Variants in GFI1B observed in about 807,000 individuals in gnomAD.
GFI1B encodes growth factor independent 1B transcriptional repressor, also known as zinc finger protein Gfi-1b.
GFI1B carries 20 observed loss-of-function variants against 35.3 expected under a neutral mutation model. The ratio of observed to expected loss-of-function variants is 0.57; its 90% CI spans 0.40 to 0.82. The LOEUF is 0.82. GFI1B is among the 40% of genes least tolerant of loss of function. The pLI, the probability that GFI1B is intolerant of heterozygous loss-of-function variation, is 0.00. For missense variants in GFI1B, 430 were observed against 446.3 expected (o/e 0.96, Z 0.33); for synonymous variants, 178 against 177.6 (o/e 1.00, Z -0.02).
chr9:132,992,680 C>T (rs1202737154), downstream of GFI1B, among the ~76,000 whole-genome samples: 1 of 152,178 alleles, frequency 6.6e-6, no homozygotes, highest in Non-Finnish European at 1.5e-5. Context: ...GTCATCCAGC[C>T]AGAAGGTCTT....
At chr9:132,962,652 C>G in intron 1 of GFI1B, 1 of 493,740 alleles carries the variant, frequency 2.0e-6, no homozygotes, top group Non-Finnish European at 4.1e-6. Context: ...GAAGAAGAAC[C>G]AAGCTGGGTC....
At chr9:132,990,005 G>T (rs1264684337) in intron 6 of GFI1B, 98 bp downstream of exon 6, 1 of 1,115,328 alleles carries the variant, frequency 9.0e-7, no homozygotes, top group South Asian at 1.3e-5. Flanking sequence ...TGGGGGCGGG[G>T]TCTAGTTACA....
At chr9:132,956,541 T>C (rs1040803105) in intron 1 of GFI1B, among the ~76,000 whole-genome samples, 3 of 152,240 alleles carry the variant, frequency 2.0e-5, no homozygotes, top group Non-Finnish European at 4.4e-5. Flanking sequence ...CATCCTTCCC[T>C]GCCAAAGTAC....
At chr9:132,990,598 C>T (rs1588443825) in intron 6 of GFI1B, among the ~76,000 whole-genome samples, 1 of 152,242 alleles carries the variant, frequency 6.6e-6, no homozygotes, top group African/African-American at 2.4e-5. Context: ...CTCTTTTGTG[C>T]CAGGTATACC....
upstream of GFI1B, among the ~76,000 whole-genome samples, chr9:132,978,003 T>C (rs911645366): frequency 6.6e-6 from 1 of 151,754 alleles, no homozygotes; most frequent in African/African-American, 2.4e-5. Context: ...ATATGACCTC[T>C]GCAAGGACAA....
downstream of GFI1B, among the ~76,000 whole-genome samples, chr9:132,991,974 T>C (rs148551592): frequency 3.9e-4 from 60 of 152,224 alleles, 1 homozygote; most frequent in East Asian, 7.3e-3. Flanking sequence ...ACAAACTTAG[T>C]GGCTTAAAAC....
At chr9:132,982,749 G>T (rs1480395315) in intron 1 of GFI1B, among the ~76,000 whole-genome samples, 1 of 152,088 alleles carries the variant, frequency 6.6e-6, no homozygotes, top group African/African-American at 2.4e-5. Context: ...AAGTTCACCG[G>T]GTGCATTTGG....
chr9:132,960,909 C>T (rs1848352042), intron 1 of GFI1B, among the ~76,000 whole-genome samples: 1 of 151,982 alleles, frequency 6.6e-6, no homozygotes, highest in South Asian at 2.1e-4. Flanking sequence ...TTGTGCCGGG[C>T]CACACTCCGC....
intron 1 of GFI1B, among the ~76,000 whole-genome samples, chr9:132,947,826 A>G (rs1231411156): frequency 7.5e-6 from 1 of 132,534 alleles, no homozygotes; most frequent in African/African-American, 2.8e-5. Context: ...AAAAAAAAAA[A>G]AAAACTAAAC....
chr9:132,982,162 T>C (rs1475930754), intron 1 of GFI1B, among the ~76,000 whole-genome samples: 1 of 152,222 alleles, frequency 6.6e-6, no homozygotes, highest in Non-Finnish European at 1.5e-5. Flanking sequence ...GAGTGACAAG[T>C]CTTTTAGTCA....
rs1849107148 is a variant in GFI1B, at chr9:132,987,303, G to A, written c.122G>A (p.Ser41Asn). 7 of 1,614,020 alleles carry A rather than the reference G, an allele frequency of 4.3e-6. No individual in the cohort carries two copies. Among genetic ancestry groups the A allele is most frequent in the Admixed American group, 3.3e-5 (2 of 60,000 alleles). Residue 41 changes from serine to asparagine, a missense_variant, in exon 3 of 7, where the codon AGC becomes AAC. Ser to Asn is a conservative substitution (Grantham distance 46, BLOSUM62 1). Transcript: ENST00000372122. Reference sequence around the variant, plus strand: ...ACAGTGCCCAGAGACCAGGCTCCAAGCAACAGCCCTGTCCTTAGCACTCTA... The same window carrying A: ...ACAGTGCCCAGAGACCAGGCTCCAAACAACAGCCCTGTCCTTAGCACTCTA... Reference protein sequence around the residue: ...LTPVPRDQAPSNSPVLSTLFP... With the variant: ...LTPVPRDQAPNNSPVLSTLFP...
intron 1 of GFI1B, among the ~76,000 whole-genome samples, chr9:132,955,240 G>A (rs1053372058): frequency 1.4e-4 from 22 of 152,000 alleles, no homozygotes; most frequent in African/African-American, 4.6e-4. Context: ...TTTTTTGAAA[G>A]ATATTTTTGC....
upstream of GFI1B, among the ~76,000 whole-genome samples, chr9:132,974,322 G>A (rs904959950): frequency 7.9e-5 from 12 of 152,280 alleles, no homozygotes; most frequent in African/African-American, 2.9e-4. Flanking sequence ...AGATGGCCAG[G>A]CGCGGTGGCT....
Position 132,989,735 on chromosome 9 carries a change from C to T in GFI1B, c.649-7C>T, listed in dbSNP as rs772402109. The T allele has an allele frequency of 1.2e-6, 2 of 1,613,442 alleles. No homozygotes were observed. Among genetic ancestry groups the T allele is most frequent in the Non-Finnish European group, 1.7e-6 (2 of 1,179,480 alleles). On this transcript the variant is annotated splice_region_variant and splice_polypyrimidine_tract_variant and intron_variant, in intron 5 of 6. Coordinates refer to ENST00000372122, the MANE Select transcript of GFI1B (RefSeq NM_001377304.1). This position sits in a 1 kb window ranked among gnomAD's most constrained non-coding sequence, Gnocchi z 6.2. ...CTGACCCCCCGGGGCCTCATTTCCTCCGGCAGGAGCGCAGCTTCGAGTGCC... is the reference window on the plus strand; with the variant it reads ...CTGACCCCCCGGGGCCTCATTTCCTTCGGCAGGAGCGCAGCTTCGAGTGCC...
intron 1 of GFI1B, among the ~76,000 whole-genome samples, chr9:132,968,814 A>C (rs1483443924): frequency 6.6e-6 from 1 of 152,142 alleles, no homozygotes; most frequent in Non-Finnish European, 1.5e-5. Flanking sequence ...AGTACACAGA[A>C]CATACAATTT....
chr9:132,980,644 C>G (rs1384196792), intron 1 of GFI1B, among the ~76,000 whole-genome samples: 1 of 152,200 alleles, frequency 6.6e-6, no homozygotes, highest in African/African-American at 2.4e-5. Context: ...TCTCATAAAG[C>G]TGAAACTTCA....
At chr9:132,985,646 C>T (rs2773822) in intron 1 of GFI1B, among the ~76,000 whole-genome samples, 15,101 of 152,186 alleles carry the variant, frequency 0.099, 968 homozygotes, top group South Asian at 0.15. Flanking sequence ...AATGTCCCCT[C>T]GTTTGCTGCA....
At chr9:132,968,980 C>T (rs2132606859) in intron 1 of GFI1B, among the ~76,000 whole-genome samples, 1 of 152,256 alleles carries the variant, frequency 6.6e-6, no homozygotes, top group East Asian at 1.9e-4. Flanking sequence ...CCCCAGTCGC[C>T]TGTCCCCCAA....
rs1398613598 is a variant in GFI1B, at chr9:132,989,263, TG to T, written c.648+70del. 22 of 1,515,214 alleles carry T rather than the reference TG, an allele frequency of 1.5e-5. No individual in the cohort carries two copies. The African/African-American group carries it at 3.0e-4, about 21-fold the overall frequency. The allele number at this position is 1,515,214 out of a possible 1,614,324, so 93.9% of individuals were successfully genotyped here. On this transcript the variant is annotated intron_variant, in intron 5 of 6. Coordinates refer to ENST00000372122, the MANE Select transcript of GFI1B (RefSeq NM_001377304.1). The surrounding 1 kb of genome is among the most constrained non-coding windows in gnomAD (Gnocchi z 6.2). ...CTTCTCTGTGCTTCCCCAGGGAGCC[TG>T]GGGGCTGTGGCTGGGTCCCTCCCCC...
Sources: allele counts gnomAD v4.1 joint callset (sites outside exome capture counted in the v4.1 genomes callset), GRCh38; gene constraint gnomAD v4.1.1; non-coding constraint Gnocchi (gnomAD v3.1); transcripts MANE v1.5; gene names NCBI Gene and HGNC (gene_info 2026-07-23, HGNC 2026-07-21).